Variants in FOXP2 observed in about 807,000 individuals in gnomAD.
FOXP2 encodes the protein forkhead box protein P2.
Under a neutral mutation model 115.8 loss-of-function variants are expected in FOXP2, and 12 were observed. That is an observed-to-expected ratio of 0.10 (90% CI 0.07 to 0.17). The LOEUF is 0.17. Among genes scored for constraint, FOXP2 ranks in the 10% least tolerant of loss-of-function variants. The pLI is 1.00. For missense variants in FOXP2, 629 were observed against 843.5 expected, an observed-to-expected ratio of 0.75 and a Z score of 3.15; for synonymous variants, 328 against 297.7, an observed-to-expected ratio of 1.10 and a Z score of -1.05.
chr7:114,490,312 T>G (rs914135546), intron 2 of FOXP2, among the ~76,000 whole-genome samples: 1 of 152,106 alleles, frequency 6.6e-6, no homozygotes, highest in African/African-American at 2.4e-5. Context: ...AAGAAGCTTA[T>G]CTAAAAAAGC....
At chr7:114,427,902 A>AT (rs1253634122) in intron 2 of FOXP2, among the ~76,000 whole-genome samples, 6 of 151,500 alleles carry the variant, frequency 4.0e-5, no homozygotes, top group Non-Finnish European at 7.4e-5. Flanking sequence ...TACAATTTTC[A>AT]TTTTTTTCAC....
At position 114,401,647 on chromosome 7, in the gene FOXP2, A is replaced by G. The variant is rs773639441; in HGVS notation, c.-10-24855A>G. On this transcript the variant is annotated intron_variant, in intron 2 of 17. Coordinates refer to the FOXP2 transcript ENST00000634411. Reference sequence around the variant, plus strand: ...CCTGAAGGTCAAAGCCAGGTCTGTTAGATTCCATTGCCATTCTCTCTATAC... The same window carrying G: ...CCTGAAGGTCAAAGCCAGGTCTGTTGGATTCCATTGCCATTCTCTCTATAC... Among the ~76,000 whole-genome samples the G allele has an allele frequency of 2.2e-4, 34 of 152,328 alleles. 1 individual carries two copies. Among genetic ancestry groups the G allele is most frequent in the South Asian group, 1.2e-3 (6 of 4,828 alleles).
At chr7:114,166,525 A>C (rs1475047095) in intron 1 of FOXP2, among the ~76,000 whole-genome samples, 3 of 152,120 alleles carry the variant, frequency 2.0e-5, no homozygotes, top group Non-Finnish European at 4.4e-5. Flanking sequence ...TAACATTGTG[A>C]ATCCTTGTCG....
chr7:114,387,458 A>G (rs958582289), intron 2 of FOXP2, among the ~76,000 whole-genome samples: 1 of 152,176 alleles, frequency 6.6e-6, no homozygotes, highest in African/African-American at 2.4e-5. Flanking sequence ...TTCTTCTCCC[A>G]AAGGAAAACA....
chr7:114,359,279 C>T lies in FOXP2; in HGVS notation c.-10-67223C>T, dbSNP rs188049768. The stretch of plus-strand genomic sequence containing the variant: ...GTTAAGAAGTAAGGTTTGGAACCTC[C>T]GTCTAGATTTCAGTGGATGTATGGG... On this transcript the variant is annotated intron_variant, in intron 2 of 17. Coordinates refer to the FOXP2 transcript ENST00000634411. 2.2e-3 allele frequency among the ~76,000 whole-genome samples: 331 copies of T among 152,286 alleles called. 2 individuals carry two copies. The highest frequency in any genetic ancestry group is 7.3e-3 in the African/African-American group (303 of 41,566).
chr7:114,624,946 A>T (rs1409540347), intron 3 of FOXP2, among the ~76,000 whole-genome samples: 2 of 151,062 alleles, frequency 1.3e-5, no homozygotes, highest in African/African-American at 4.9e-5. Flanking sequence ...TTTACCACTG[A>T]CTCTTTGCAA....
At chr7:114,373,475 ACTCCAAAGGGAAT>A (rs1486345480) in intron 2 of FOXP2, among the ~76,000 whole-genome samples, 1 of 151,984 alleles carries the variant, frequency 6.6e-6, no homozygotes, top group Non-Finnish European at 1.5e-5. Flanking sequence ...ACAAAAAACA[ACTCCAAAGGGAAT>A]GCTCTTTCTG....
chr7:114,432,679 G>A (rs1336516659), intron 2 of FOXP2, among the ~76,000 whole-genome samples: 4 of 151,648 alleles, frequency 2.6e-5, no homozygotes, highest in South Asian at 2.1e-4. Context: ...TAGGTCTTGG[G>A]GCCTTCTATT....
At chr7:114,586,636 G>A (rs187346976) in intron 3 of FOXP2, among the ~76,000 whole-genome samples, 131 of 151,888 alleles carry the variant, frequency 8.6e-4, no homozygotes, top group Non-Finnish European at 1.7e-3. Context: ...AATAAATAAG[G>A]TGCTTTCAGA....
intron 1 of FOXP2, among the ~76,000 whole-genome samples, chr7:114,183,958 G>C (rs978001690): frequency 3.9e-5 from 6 of 152,104 alleles, no homozygotes; most frequent in African/African-American, 1.4e-4. Flanking sequence ...CACAAGACGA[G>C]AAACATGAAT....
chr7:114,615,192 T>G (rs1412880855), intron 3 of FOXP2, among the ~76,000 whole-genome samples: 1 of 152,108 alleles, frequency 6.6e-6, no homozygotes, highest in Admixed American at 6.6e-5. Flanking sequence ...GCACTCAAAC[T>G]TAAGCAACAG....
chr7:114,470,612 A>G (rs1796002312), intron 2 of FOXP2, among the ~76,000 whole-genome samples: 2 of 152,146 alleles, frequency 1.3e-5, no homozygotes, highest in East Asian at 1.9e-4. Context: ...GGATGAGTGA[A>G]TGAATTTTTC....
At chr7:114,643,270 A>AT (rs1442610601) in intron 7 of FOXP2, among the ~76,000 whole-genome samples, 1 of 151,302 alleles carries the variant, frequency 6.6e-6, no homozygotes, top group Non-Finnish European at 1.5e-5. Context: ...TGCTGAGAAC[A>AT]TTTTTTAAGC....
At chr7:114,316,655 G>A (rs1202529566) in intron 2 of FOXP2, among the ~76,000 whole-genome samples, 1 of 152,056 alleles carries the variant, frequency 6.6e-6, no homozygotes, top group Non-Finnish European at 1.5e-5. Context: ...AGATATGAGA[G>A]AAGAGCATTC....
At position 114,188,993 on chromosome 7, in the gene FOXP2, T is replaced by C. The variant is rs1482120898; in HGVS notation, c.-102+25905T>C. Among the ~76,000 whole-genome samples the C allele has an allele frequency of 2.6e-5, 4 of 152,194 alleles. No homozygotes were observed. The East Asian group carries it at 7.7e-4, about 29-fold the overall frequency. On this transcript the variant is annotated intron_variant, in intron 1 of 17. Coordinates refer to the FOXP2 transcript ENST00000634411. ...TTCAGAGTAATTCATGAGCTACAGT[T>C]GAATGCTTTAATCTCCTCAGTTATT...
intron 3 of FOXP2, among the ~76,000 whole-genome samples, chr7:114,583,208 C>A (rs928993581): frequency 5.3e-5 from 8 of 151,860 alleles, no homozygotes; most frequent in Admixed American, 4.6e-4. Context: ...ATGGTGAAAC[C>A]CGCCTCTACT....
intron 3 of FOXP2, among the ~76,000 whole-genome samples, chr7:114,619,235 A>T (rs931851952): frequency 2.6e-5 from 4 of 152,224 alleles, no homozygotes; most frequent in Non-Finnish European, 5.9e-5. Context: ...AGAAATGGCC[A>T]CTTTGTGAAA....
intron 3 of FOXP2, among the ~76,000 whole-genome samples, chr7:114,602,377 C>G (rs554845937): frequency 2.0e-5 from 3 of 151,884 alleles, no homozygotes; most frequent in Non-Finnish European, 4.4e-5. Context: ...TTATATTTAA[C>G]TTGTATCTCT....
chr7:114,527,942 T>G (rs1184392329), intron 2 of FOXP2, among the ~76,000 whole-genome samples: 12 of 152,112 alleles, frequency 7.9e-5, no homozygotes, highest in Non-Finnish European at 1.5e-5. Flanking sequence ...TTTATACCTC[T>G]GTCTTGTCTC....
Sources: allele counts gnomAD v4.1 joint callset (sites outside exome capture counted in the v4.1 genomes callset), GRCh38; gene constraint gnomAD v4.1.1; transcripts MANE v1.5; gene names NCBI Gene and HGNC (gene_info 2026-07-23, HGNC 2026-07-21).